Variants in DENND4C observed in about 807,000 individuals in gnomAD.
The protein encoded by DENND4C is DENN domain-containing protein 4C.
DENND4C carries 108 observed loss-of-function variants against 203.0 expected under a neutral mutation model. The ratio of observed to expected loss-of-function variants is 0.53; its 90% CI spans 0.46 to 0.62. The LOEUF (loss-of-function observed/expected upper bound fraction) is 0.62, where lower values mean the gene tolerates loss of function less well. DENND4C is among the 20% of genes least tolerant of loss of function. The pLI is 0.00. For missense variants in DENND4C, 2,481 were observed against 2,301.2 expected, an observed-to-expected ratio of 1.08 and a Z score of -1.60; for synonymous variants, 871 against 792.4, an observed-to-expected ratio of 1.10 and a Z score of -1.67.
chr9:19,284,296 C>T (rs1834765450), intron 2 of DENND4C, among the ~76,000 whole-genome samples: 1 of 152,170 alleles, frequency 6.6e-6, no homozygotes, highest in South Asian at 2.1e-4. Context: ...AGATCTTCCT[C>T]ATTTTTTGTG....
At chr9:19,319,692 T>C (rs1352853366) in intron 12 of DENND4C, among the ~76,000 whole-genome samples, 1 of 151,962 alleles carries the variant, frequency 6.6e-6, no homozygotes, top group East Asian at 1.9e-4. Context: ...TTCTAGGCCC[T>C]AAAGTTTTAT....
At position 19,346,768 on chromosome 9, in the gene DENND4C, T is replaced by C; in HGVS notation, c.3999T>C (p.Gly1333=). The change falls in exon 23 of 33, where the codon GGT becomes GGC. Residue 1333 remains glycine (G), a synonymous_variant. Coordinates refer to ENST00000434457, the MANE Select transcript of DENND4C (RefSeq NM_001330640.2). ...ERRSSLPLDH[G]SPAQENPESE... ...GATCAAGCCTACCTTTAGATCATGG[T>C]TCACCAGCACAGGAAAATCCTGAAA... is the stretch of plus-strand genomic sequence containing the variant. 2.5e-6 allele frequency: 4 copies of C among 1,614,204 alleles called. No homozygotes were observed. The highest frequency in any genetic ancestry group is 3.4e-6 in the Non-Finnish European group (4 of 1,180,030).
At chr9:19,254,752 A>C (rs1212139219) in intron 1 of DENND4C, among the ~76,000 whole-genome samples, 2 of 152,212 alleles carry the variant, frequency 1.3e-5, no homozygotes, top group African/African-American at 4.8e-5. Flanking sequence ...TAGTCAGTAC[A>C]TAATGTGTAT....
rs1818187350 is a variant in DENND4C at position 19,328,018 on chromosome 9, T to C, written c.2121-12T>C. ...TTTTAAATCAGCAGTTCTATTTTTT[T>C]TTTTATTTTAGTTACAAATACTTTC... On this transcript the variant is annotated splice_polypyrimidine_tract_variant and intron_variant, in intron 15 of 32. Coordinates refer to ENST00000434457, the MANE Select transcript of DENND4C (RefSeq NM_001330640.2). The C allele has an allele frequency of 6.3e-7, 1 of 1,581,468 alleles. No homozygotes were observed. Among genetic ancestry groups the C allele is most frequent in the Non-Finnish European group, 8.5e-7 (1 of 1,170,876 alleles).
chr9:19,353,752 G>C (rs565653452), intron 26 of DENND4C, among the ~76,000 whole-genome samples: 35 of 152,124 alleles, frequency 2.3e-4, no homozygotes, highest in Admixed American at 2.2e-3. Flanking sequence ...GGGCAACATG[G>C]CAAAACCCCA....
At chr9:19,357,367 T>C in intron 27 of DENND4C, 8 of 502,408 alleles carry the variant, frequency 1.6e-5, no homozygotes, top group Non-Finnish European at 1.7e-5. Flanking sequence ...AGTTGTCTTT[T>C]ACAAAATGAA....
At chr9:19,365,043 A>G (rs1183040741) in intron 30 of DENND4C, among the ~76,000 whole-genome samples, 1 of 152,166 alleles carries the variant, frequency 6.6e-6, no homozygotes, top group African/African-American at 2.4e-5. Flanking sequence ...ACTCTCAAAA[A>G]CAGTGGAGAT....
At chr9:19,237,420 C>T (rs375592792) in intron 1 of DENND4C, among the ~76,000 whole-genome samples, 2 of 152,042 alleles carry the variant, frequency 1.3e-5, no homozygotes, top group South Asian at 2.1e-4. Flanking sequence ...GGCGTGATCT[C>T]GGCTCACTGC....
At chr9:19,281,074 C>T (rs569971083) in intron 2 of DENND4C, among the ~76,000 whole-genome samples, 4 of 152,272 alleles carry the variant, frequency 2.6e-5, no homozygotes, top group African/African-American at 9.6e-5. Context: ...TTGACAAGCC[C>T]ACCTGCCACC....
chr9:19,345,857 A>T (rs1207835624), intron 22 of DENND4C, 64 bp from the exon 23 acceptor site: 1 of 1,373,882 alleles, frequency 7.3e-7, no homozygotes, highest in Non-Finnish European at 9.8e-7. Flanking sequence ...GAAAACAATA[A>T]ATATTTTAAT....
chr9:19,310,967 A>G (rs1272070215), intron 10 of DENND4C, among the ~76,000 whole-genome samples: 1 of 152,240 alleles, frequency 6.6e-6, no homozygotes, highest in African/African-American at 2.4e-5. Context: ...ATTGATGTTC[A>G]TAAATGATAT....
chr9:19,282,947 G>A (rs1010836312), intron 2 of DENND4C, among the ~76,000 whole-genome samples: 2 of 151,672 alleles, frequency 1.3e-5, no homozygotes, highest in African/African-American at 4.8e-5. Context: ...TTGAACTCCT[G>A]ACCTCAAGTG....
intron 1 of DENND4C, among the ~76,000 whole-genome samples, chr9:19,249,596 C>T (rs1464382908): frequency 2.0e-5 from 3 of 152,104 alleles, no homozygotes; most frequent in Non-Finnish European, 4.4e-5. Context: ...ACTCCTTTCC[C>T]TTTAGCCACA....
At chr9:19,237,904 G>A (rs755032208) in intron 1 of DENND4C, among the ~76,000 whole-genome samples, 14 of 152,000 alleles carry the variant, frequency 9.2e-5, no homozygotes, top group Non-Finnish European at 1.9e-4. Flanking sequence ...AATATGTGTA[G>A]TAATTTCCTA....
chr9:19,280,736 T>C (rs1833882422), intron 2 of DENND4C, among the ~76,000 whole-genome samples: 1 of 151,954 alleles, frequency 6.6e-6, no homozygotes, highest in African/African-American at 2.4e-5. Context: ...TTTTAATATA[T>C]AAAAATAAGG....
chr9:19,321,451 G>A (rs73645596), intron 12 of DENND4C, among the ~76,000 whole-genome samples: 1,720 of 152,244 alleles, frequency 0.011, 30 homozygotes, highest in African/African-American at 0.037. Context: ...CAGAAAAAAG[G>A]GAAGGAGCAG....
At position 19,346,554 on chromosome 9, in the gene DENND4C, G is replaced by A; in HGVS notation, c.3785G>A (p.Gly1262Glu). Residue 1262 changes from glycine to glutamate, a missense_variant, in exon 23 of 33, where the codon GGA becomes GAA. By Grantham distance (98) the Gly-to-Glu change is moderately conservative (BLOSUM62 -2). Transcript: ENST00000434457. ...TCTCTTTTAGCCACTGAATGTACAG[G>A]AGGAAAAACTCCTGATTCTGAAGAT... ...PLSLLATECT[G>E]GKTPDSEDKL... 6.2e-7 allele frequency: 1 copy of A among 1,614,108 alleles called. No homozygotes were observed. Among genetic ancestry groups the A allele is most frequent in the Middle Eastern group, 1.7e-4 (1 of 6,060 alleles).
At chr9:19,251,454 AT>A (rs1199630356) in intron 1 of DENND4C, among the ~76,000 whole-genome samples, 1 of 152,014 alleles carries the variant, frequency 6.6e-6, no homozygotes, top group African/African-American at 2.4e-5. Flanking sequence ...CCTTGGAGAC[AT>A]TTTCCCCCTC....
chr9:19,318,080 A>G (rs1011450599), intron 12 of DENND4C, among the ~76,000 whole-genome samples: 4 of 152,202 alleles, frequency 2.6e-5, no homozygotes, highest in African/African-American at 9.7e-5. Context: ...ACACTTTGGG[A>G]GACTAAGGCA....
Sources: allele counts gnomAD v4.1 joint callset (sites outside exome capture counted in the v4.1 genomes callset), GRCh38; gene constraint gnomAD v4.1.1; transcripts MANE v1.5; gene names NCBI Gene and HGNC (gene_info 2026-07-23, HGNC 2026-07-21).